ARL13B: variants seen among roughly 807,000 people sequenced by gnomAD.
The protein encoded by ARL13B is ARF like GTPase 13B.
In ARL13B, 36 loss-of-function variants were observed where a neutral mutation model predicts 56.1. That is an observed-to-expected ratio of 0.64 (90% CI 0.49 to 0.85). ARL13B has a LOEUF of 0.85. Ranked by LOEUF, ARL13B falls within the 40% of genes least tolerant of loss-of-function variation. The pLI, the probability that ARL13B is intolerant of heterozygous loss-of-function variation, is 0.00. For missense variants in ARL13B, 519 were observed against 507.1 expected (o/e 1.02, Z -0.23); for synonymous variants, 178 against 171.1 (o/e 1.04, Z -0.32).
At chr3:94,012,244 A>G (rs1372898221) in intron 3 of ARL13B, among the ~76,000 whole-genome samples, 3 of 152,120 alleles carry the variant, frequency 2.0e-5, no homozygotes, top group South Asian at 4.1e-4. Context: ...TGGTCCTGAC[A>G]TATCTCAAGC....
intron 1 of ARL13B, among the ~76,000 whole-genome samples, chr3:93,981,303 C>T (rs532882576): frequency 7.5e-4 from 114 of 151,758 alleles, no homozygotes; most frequent in African/African-American, 2.7e-3. Flanking sequence ...GTTTGTTACA[C>T]AAATAATGTT....
At chr3:94,047,288 A>G (rs964835086) in intron 7 of ARL13B, among the ~76,000 whole-genome samples, 1 of 152,194 alleles carries the variant, frequency 6.6e-6, no homozygotes, top group Non-Finnish European at 1.5e-5. Flanking sequence ...TATTAATTTG[A>G]AAGTTATACT....
intron 3 of ARL13B, among the ~76,000 whole-genome samples, chr3:94,008,557 G>A (rs140761785): frequency 1.1e-4 from 17 of 152,248 alleles, no homozygotes; most frequent in African/African-American, 3.6e-4. Flanking sequence ...ACTGAGCTGC[G>A]AGGTATTTTA....
At chr3:94,020,910 TG>T (rs2076433631) in intron 3 of ARL13B, among the ~76,000 whole-genome samples, 1 of 152,266 alleles carries the variant, frequency 6.6e-6, no homozygotes, top group South Asian at 2.1e-4. Context: ...ACTTCTAAGC[TG>T]GAAGGAGATT....
chr3:94,013,907 A>G (rs1367974657), intron 3 of ARL13B, among the ~76,000 whole-genome samples: 1 of 152,202 alleles, frequency 6.6e-6, no homozygotes, highest in Admixed American at 6.5e-5. Context: ...GGATCATGCC[A>G]CTGCACTCCA....
chr3:94,022,618 A>ACTGTAG (rs1559992182), intron 3 of ARL13B, among the ~76,000 whole-genome samples: 1 of 152,104 alleles, frequency 6.6e-6, no homozygotes, highest in African/African-American at 2.4e-5. Context: ...CACCTAAGGT[A>ACTGTAG]CTGTAGCTGT....
chr3:94,028,164 A>G (rs1031243731), intron 3 of ARL13B, among the ~76,000 whole-genome samples: 3 of 152,102 alleles, frequency 2.0e-5, no homozygotes, highest in Admixed American at 6.5e-5. Flanking sequence ...ATCGTAGTCT[A>G]TTTTCAAGAG....
intron 1 of ARL13B, 129 bp from the exon 2 acceptor site, chr3:93,995,745 G>T (rs1049674151): frequency 9.0e-5 from 70 of 777,426 alleles, no homozygotes; most frequent in Non-Finnish European, 1.9e-5. Flanking sequence ...GTACTCCCTA[G>T]CATCCAACAG....
rs2076290356 is a variant in ARL13B at position 94,014,669 on chromosome 3, C to T, written c.380+10761C>T. 1.2e-6 allele frequency: 2 copies of T among 1,613,418 alleles called. No individual in the cohort carries two copies. The highest frequency in any genetic ancestry group is 1.7e-5 in the Admixed American group (1 of 59,952). On this transcript the variant is annotated intron_variant, in intron 3 of 9. Coordinates refer to ENST00000394222, the MANE Select transcript of ARL13B (RefSeq NM_001174150.2). ...AGTTGTGCTTTAGTGATATTGATTT[C>T]TGTAAGTAAGCTTTCATTAAAAACT...
At chr3:94,043,501 G>C (rs1431104118) in intron 7 of ARL13B, among the ~76,000 whole-genome samples, 1 of 134,028 alleles carries the variant, frequency 7.5e-6, no homozygotes, top group East Asian at 2.4e-4. Flanking sequence ...ATAAATTTGG[G>C]ATACAGCATA....
At chr3:93,989,062 C>G (rs1241733917) in intron 1 of ARL13B, 1 of 208,818 alleles carries the variant, frequency 4.8e-6, no homozygotes, top group Non-Finnish European at 9.7e-6. Context: ...TGCTGAGACC[C>G]CTATTTCAGT....
intron 3 of ARL13B, among the ~76,000 whole-genome samples, chr3:94,018,923 G>A (rs777503365): frequency 2.0e-5 from 3 of 151,774 alleles, no homozygotes; most frequent in Non-Finnish European, 2.9e-5. Flanking sequence ...GTGCCACCAC[G>A]CCCAGCTAAT....
chr3:94,036,476 A>T, intron 4 of ARL13B, 76 bp from the exon 5 acceptor site: 1 of 1,464,422 alleles, frequency 6.8e-7, no homozygotes, highest in Non-Finnish European at 9.5e-7. Context: ...ATTTGCCATT[A>T]ATTATACTTA....
chr3:94,028,427 A>C (rs903551519), intron 3 of ARL13B: 1 of 152,244 alleles, frequency 6.6e-6, no homozygotes, highest in Non-Finnish European at 1.5e-5. Context: ...TGCCTTTGAG[A>C]GAATATCTGA....
intron 9 of ARL13B, among the ~76,000 whole-genome samples, chr3:94,052,316 A>C (rs905714216): frequency 6.6e-6 from 1 of 152,148 alleles, no homozygotes; most frequent in East Asian, 1.9e-4. Flanking sequence ...TGAGGATTCT[A>C]CTATACAGAG....
At chr3:93,980,587 C>T (rs1710164436) in intron 1 of ARL13B, 105 bp downstream of exon 1, 2 of 1,395,066 alleles carry the variant, frequency 1.4e-6, no homozygotes, top group Non-Finnish European at 2.0e-6. Flanking sequence ...CTATCCCAGG[C>T]CGCAAGGGAT....
chr3:93,996,195 A>G (rs1211952187), intron 2 of ARL13B, among the ~76,000 whole-genome samples: 1 of 152,196 alleles, frequency 6.6e-6, no homozygotes, highest in Non-Finnish European at 1.5e-5. Context: ...CTAAGAGGGA[A>G]TAGTATCTGT....
At chr3:94,005,340 G>T (rs1486433293) in intron 3 of ARL13B, among the ~76,000 whole-genome samples, 1 of 152,174 alleles carries the variant, frequency 6.6e-6, no homozygotes, top group Non-Finnish European at 1.5e-5. Flanking sequence ...TATGGTGGTA[G>T]TGATGACAAG....
At position 94,039,874 on chromosome 3, in the gene ARL13B, C is replaced by T. The variant is rs775646763; in HGVS notation, c.690-6C>T. 4.0e-5 allele frequency: 64 copies of T among 1,612,844 alleles called. No individual in the cohort carries two copies. Among genetic ancestry groups the T allele is most frequent in the Middle Eastern group, 1.6e-4 (1 of 6,084 alleles). ...GAAATTTCAATTATTTTTCCTCAAA[C>T]GATAGAAAACAAAATGAACAGGAGC... On this transcript the variant is annotated splice_region_variant and splice_polypyrimidine_tract_variant and intron_variant, in intron 5 of 9. Coordinates refer to ENST00000394222, the MANE Select transcript of ARL13B (RefSeq NM_001174150.2).
Sources: gnomAD v4.1 joint callset for allele counts (sites outside exome capture counted in the v4.1 genomes callset) on GRCh38, gnomAD v4.1.1 for gene constraint, MANE v1.5 for transcripts, NCBI Gene and HGNC (gene_info 2026-07-23, HGNC 2026-07-21) for gene names.